EIF2S1: variants seen among roughly 807,000 people sequenced by gnomAD.
EIF2S1 encodes the protein eukaryotic translation initiation factor 2 subunit alpha.
In EIF2S1, 5 loss-of-function variants were observed where a neutral mutation model predicts 33.5. That is an observed-to-expected ratio of 0.15 (90% CI 0.08 to 0.31). The LOEUF (loss-of-function observed/expected upper bound fraction) is 0.31, where lower values mean the gene tolerates loss of function less well. EIF2S1 is among the 10% of genes least tolerant of loss of function. The pLI is 1.00. For synonymous variants in EIF2S1, 99 were observed against 127.5 expected, an observed-to-expected ratio of 0.78 and a Z score of 1.51; for missense variants, 191 against 384.6, an observed-to-expected ratio of 0.50 and a Z score of 4.21.
At chr14:67,361,409 G>T (rs192810325) in intron 1 of EIF2S1, among the ~76,000 whole-genome samples, 2 of 152,188 alleles carry the variant, frequency 1.3e-5, no homozygotes, top group African/African-American at 4.8e-5. Flanking sequence ...TGTTTGTAGA[G>T]ATTCGGTGAT....
At chr14:67,361,191 CA>C (rs1229377329) in intron 1 of EIF2S1, among the ~76,000 whole-genome samples, 4 of 152,206 alleles carry the variant, frequency 2.6e-5, no homozygotes, top group African/African-American at 9.7e-5. Context: ...TCTTTATCCT[CA>C]AAACTTAGGC....
intron 1 of EIF2S1, among the ~76,000 whole-genome samples, chr14:67,361,282 G>C (rs2085738076): frequency 6.6e-6 from 1 of 152,132 alleles, no homozygotes; most frequent in South Asian, 2.1e-4. Context: ...CCCCTCAATT[G>C]AGTTGTTATT....
At chr14:67,360,750 C>CT (rs1399748927) in intron 1 of EIF2S1, 2 of 152,482 alleles carry the variant, frequency 1.3e-5, no homozygotes, top group African/African-American at 2.4e-5. Context: ...AATGCCATGA[C>CT]GATGGGGCGG....
intron 2 of EIF2S1, among the ~76,000 whole-genome samples, chr14:67,373,537 C>T (rs2085838171): frequency 6.6e-6 from 1 of 152,218 alleles, no homozygotes; most frequent in East Asian, 1.9e-4. Flanking sequence ...CACAGACATG[C>T]TGTCCTCCAG....
chr14:67,379,224 A>G (rs1458112786), intron 4 of EIF2S1, among the ~76,000 whole-genome samples: 1 of 152,200 alleles, frequency 6.6e-6, no homozygotes, highest in Non-Finnish European at 1.5e-5. Flanking sequence ...ATATATGCCT[A>G]GGAGTGGAAT....
In EIF2S1 at chr14:67,384,366, TG is replaced by T. The variant is rs960862363; in HGVS notation, c.*927del. The T allele has an allele frequency of 7.0e-6, 1 of 143,310 alleles. No individual in the cohort carries two copies. The highest frequency in any genetic ancestry group is 2.8e-5 in the African/African-American group (1 of 36,074). The allele number at this position is 143,310 out of a possible 1,614,324, so 8.9% of individuals were successfully genotyped here. ...AGGGATCTGTTTGAACACTTACTGT[TG>T]TTTTTTTTTTTTTACATGTTTCCAT... On this transcript the variant is annotated 3_prime_UTR_variant, in exon 8 of 8. Coordinates refer to ENST00000256383, the MANE Select transcript of EIF2S1 (RefSeq NM_004094.5).
intron 1 of EIF2S1, chr14:67,363,912 C>T (rs2141126350): frequency 6.6e-6 from 1 of 152,262 alleles, no homozygotes; most frequent in East Asian, 1.9e-4. Flanking sequence ...TTGAGAGCTT[C>T]CTTTTTTAAA....
chr14:67,373,175 A>C (rs1305673554), intron 2 of EIF2S1, among the ~76,000 whole-genome samples: 1 of 152,222 alleles, frequency 6.6e-6, no homozygotes, highest in Admixed American at 6.5e-5. Flanking sequence ...TGCCATTTCT[A>C]GGAAAATTTA....
At chr14:67,374,280 T>C (rs993998752) in intron 2 of EIF2S1, among the ~76,000 whole-genome samples, 188 bp from the exon 3 acceptor site, 1 of 152,178 alleles carries the variant, frequency 6.6e-6, no homozygotes, top group Non-Finnish European at 1.5e-5. Flanking sequence ...CAAAACACTT[T>C]TGGTCCCAAG....
chr14:67,362,525 G>C (rs2085749890), intron 1 of EIF2S1, among the ~76,000 whole-genome samples: 1 of 152,108 alleles, frequency 6.6e-6, no homozygotes, highest in South Asian at 2.1e-4. Context: ...TGGCACAGAT[G>C]AGAAACTACA....
At position 67,386,222 on chromosome 14, in the gene EIF2S1, T is replaced by C. The variant is rs957733708; in HGVS notation, c.*2782T>C. ...TGGTGAAATGCCAAATGGAAAATGG[T>C]GCTTTAAAAGGTAGTCTCTTACCAT... On this transcript the variant is annotated 3_prime_UTR_variant, in exon 8 of 8. Coordinates refer to ENST00000256383, the MANE Select transcript of EIF2S1 (RefSeq NM_004094.5). 6.6e-6 allele frequency: 1 copy of C among 152,644 alleles called. No individual in the cohort carries two copies. The highest frequency in any genetic ancestry group is 2.4e-5 in the African/African-American group (1 of 41,450). 9.5% of individuals were successfully genotyped at this position (152,644 alleles called of 1,614,324 possible).
chr14:67,374,877 T>G (rs1211607579), intron 3 of EIF2S1, among the ~76,000 whole-genome samples: 4 of 152,192 alleles, frequency 2.6e-5, no homozygotes, highest in African/African-American at 9.7e-5. Context: ...GTGCTGGGAT[T>G]ACAGAAGTGA....
At chr14:67,369,873 C>G (rs991406991) in intron 2 of EIF2S1, among the ~76,000 whole-genome samples, 1 of 152,112 alleles carries the variant, frequency 6.6e-6, no homozygotes, top group East Asian at 1.9e-4. Flanking sequence ...GAGACCCTAA[C>G]CCAGAGGCGC....
intron 2 of EIF2S1, among the ~76,000 whole-genome samples, chr14:67,372,366 C>G (rs1311675447): frequency 1.3e-5 from 2 of 152,076 alleles, no homozygotes; most frequent in Non-Finnish European, 2.9e-5. Context: ...TCTTTCTGAC[C>G]TTGGATTAGG....
At chr14:67,364,656 A>G in intron 1 of EIF2S1, 111 bp from the exon 2 acceptor site, 1 of 1,114,554 alleles carries the variant, frequency 9.0e-7, no homozygotes, top group Non-Finnish European at 1.2e-6. Flanking sequence ...ACTAAGACTA[A>G]TAACTATTTT....
At chr14:67,368,991 A>G (rs1427475085) in intron 2 of EIF2S1, among the ~76,000 whole-genome samples, 1 of 152,242 alleles carries the variant, frequency 6.6e-6, no homozygotes, top group East Asian at 1.9e-4. Flanking sequence ...ATAGAAAACA[A>G]ATACCTAAAA....
At position 67,363,183 on chromosome 14, in the gene EIF2S1, A is replaced by G. The variant is rs565899719; in HGVS notation, c.-1-1584A>G. On this transcript the variant is annotated intron_variant, in intron 1 of 7. Coordinates refer to ENST00000256383, the MANE Select transcript of EIF2S1 (RefSeq NM_004094.5). ...TCTCAAATTTGAGAGCTTTACATAC[A>G]CATATTCAACAACAGTTTCCCCACC... Among the ~76,000 whole-genome samples the G allele has an allele frequency of 2.0e-5, 3 of 151,838 alleles. No homozygotes were observed. The East Asian group carries it at 5.8e-4, about 30-fold the overall frequency.
At chr14:67,364,193 TTTTAG>T (rs2141126738) in intron 1 of EIF2S1, 1 of 152,136 alleles carries the variant, frequency 6.6e-6, no homozygotes, top group East Asian at 1.9e-4. Flanking sequence ...GGAGGATGCA[TTTTAG>T]TTTATTTTGT....
chr14:67,379,728 C>T (rs1209182468), intron 4 of EIF2S1, among the ~76,000 whole-genome samples: 10 of 130,828 alleles, frequency 7.6e-5, no homozygotes, highest in East Asian at 3.1e-4. Flanking sequence ...GATCTCGGCT[C>T]ACTGCAAGCT....
Sources: gnomAD v4.1 joint callset for allele counts (sites outside exome capture counted in the v4.1 genomes callset) on GRCh38, gnomAD v4.1.1 for gene constraint, MANE v1.5 for transcripts, NCBI Gene and HGNC (gene_info 2026-07-23, HGNC 2026-07-21) for gene names.